The following PLA2G5 variants were observed in gnomAD, a reference collection of about 807,000 sequenced individuals.
PLA2G5 encodes Ca2+-dependent phospholipase A2.
In PLA2G5, 12 loss-of-function variants were observed where a neutral mutation model predicts 15.9. The ratio of observed to expected loss-of-function variants is 0.76; its 90% CI spans 0.48 to 1.23. The LOEUF (loss-of-function observed/expected upper bound fraction) is 1.23. PLA2G5 is among the 50% of genes most tolerant of loss of function. The probability of loss-of-function intolerance (pLI) is 0.00; values close to 1 mark genes in which losing one functional copy is unlikely to be tolerated. For synonymous variants in PLA2G5, 71 were observed against 71.4 expected, an observed-to-expected ratio of 0.99 and a Z score of 0.03; for missense variants, 169 against 177.1, an observed-to-expected ratio of 0.95 and a Z score of 0.26.
intron 3 of PLA2G5, among the ~76,000 whole-genome samples, chr1:20,087,398 T>C (rs2016343397): frequency 6.6e-6 from 1 of 151,466 alleles, no homozygotes; most frequent in Non-Finnish European, 1.5e-5. Flanking sequence ...TGTGATCATA[T>C]ACTTTTTTTT....
At chr1:20,049,946 C>T (rs1418985289) in intron 1 of PLA2G5, among the ~76,000 whole-genome samples, 5 of 152,100 alleles carry the variant, frequency 3.3e-5, no homozygotes, top group Non-Finnish European at 7.4e-5. Flanking sequence ...TTTGTTGTGG[C>T]CTAATGCTAA....
intron 3 of PLA2G5, among the ~76,000 whole-genome samples, chr1:20,088,356 G>A (rs1242048537): frequency 3.1e-4 from 46 of 147,236 alleles, no homozygotes; most frequent in African/African-American, 1.1e-3. Context: ...GTGAAACTCC[G>A]TTTCAAAAAA....
chr1:20,059,154 C>T (rs539360387), intron 1 of PLA2G5, among the ~76,000 whole-genome samples: 12 of 149,624 alleles, frequency 8.0e-5, no homozygotes, highest in East Asian at 7.9e-4. Context: ...CTCACATGAC[C>T]GAGTGTGGTG....
intron 1 of PLA2G5, among the ~76,000 whole-genome samples, chr1:20,036,085 T>C (rs1272398395): frequency 6.6e-6 from 1 of 152,228 alleles, no homozygotes; most frequent in East Asian, 1.9e-4. Context: ...TTCTAGCTTG[T>C]AGGGTTTCTG....
At chr1:20,045,168 A>C (rs2013828440) in intron 1 of PLA2G5, among the ~76,000 whole-genome samples, 1 of 152,178 alleles carries the variant, frequency 6.6e-6, no homozygotes, top group Admixed American at 6.5e-5. Context: ...TGTGAGTTGA[A>C]GAGGTTTTAA....
chr1:20,089,138 CGTA>C (rs1340522454), intron 3 of PLA2G5, among the ~76,000 whole-genome samples: 1 of 152,148 alleles, frequency 6.6e-6, no homozygotes, highest in African/African-American at 2.4e-5. Flanking sequence ...AATTATTTAT[CGTA>C]GCTGATGCAA....
At chr1:20,051,514 A>G (rs540778635) in intron 1 of PLA2G5, among the ~76,000 whole-genome samples, 2 of 152,222 alleles carry the variant, frequency 1.3e-5, no homozygotes, top group Non-Finnish European at 2.9e-5. Flanking sequence ...ACAATTTAGT[A>G]TACTCCTATG....
intron 1 of PLA2G5, among the ~76,000 whole-genome samples, chr1:20,084,135 G>A (rs2016169568): frequency 6.7e-6 from 1 of 149,398 alleles, no homozygotes; most frequent in African/African-American, 2.6e-5. Context: ...AAGCGCTTGG[G>A]GCCCATAAGA....
At chr1:20,031,335 A>G (rs916267472) in intron 1 of PLA2G5, among the ~76,000 whole-genome samples, 3 of 152,188 alleles carry the variant, frequency 2.0e-5, no homozygotes, top group Admixed American at 1.3e-4. Flanking sequence ...GAGGTAATGT[A>G]TGAAGTTGAC....
At chr1:20,067,649 C>T (rs1406116594), upstream of PLA2G5, among the ~76,000 whole-genome samples, 1 of 151,810 alleles carries the variant, frequency 6.6e-6, no homozygotes, top group African/African-American at 2.4e-5. Context: ...GATTGCACTG[C>T]TGCACTCCAG....
At chr1:20,047,750 GTGTGTGTA>G (rs774983558) in intron 1 of PLA2G5, among the ~76,000 whole-genome samples, 4 of 112,240 alleles carry the variant, frequency 3.6e-5, no homozygotes, top group East Asian at 2.4e-4. Context: ...GTGTGTGTGT[GTGTGTGTA>G]TGTGTATATA....
chr1:20,064,582 G>GAA (rs542726449), intron 2 of PLA2G5, among the ~76,000 whole-genome samples: 3 of 124,804 alleles, frequency 2.4e-5, no homozygotes, highest in Non-Finnish European at 5.2e-5. Context: ...CTCAAAAAAG[G>GAA]AAAAAAAAAA....
chr1:20,071,582 G>A (rs756971046), intron 1 of PLA2G5, among the ~76,000 whole-genome samples: 1 of 152,136 alleles, frequency 6.6e-6, no homozygotes, highest in Non-Finnish European at 1.5e-5. Flanking sequence ...CTCAGGGCAG[G>A]GGGTTGATCC....
intron 1 of PLA2G5, among the ~76,000 whole-genome samples, chr1:20,057,838 T>C (rs1227230973): frequency 6.6e-6 from 1 of 150,538 alleles, no homozygotes; most frequent in Non-Finnish European, 1.5e-5. Context: ...CATTTTAATT[T>C]AGTTCAAAAT....
chr1:20,037,270 C>G (rs368983725), intron 1 of PLA2G5, among the ~76,000 whole-genome samples: 18 of 152,262 alleles, frequency 1.2e-4, no homozygotes, highest in African/African-American at 4.1e-4. Context: ...GTGCTCTCCC[C>G]CTTCCTTTAG....
chr1:20,052,213 A>T (rs2014214958), intron 1 of PLA2G5, among the ~76,000 whole-genome samples: 1 of 151,618 alleles, frequency 6.6e-6, no homozygotes, highest in Non-Finnish European at 1.5e-5. Flanking sequence ...CTGGAGAATG[A>T]AAAATTATGT....
Position 20,070,466 on chromosome 1 carries a change from G to A in PLA2G5, c.-11+1G>A, listed in dbSNP as rs961503592. The A allele has an allele frequency of 1.2e-5, 12 of 985,334 alleles. No homozygotes were observed. The highest frequency in any genetic ancestry group is 1.4e-5 in the Non-Finnish European group (12 of 830,108). The allele number at this position is 985,334 out of a possible 1,614,324, so 61.0% of individuals were successfully genotyped here. On this transcript the variant is annotated splice_donor_variant, in intron 1 of 4. Coordinates refer to ENST00000375108, the MANE Select transcript of PLA2G5 (RefSeq NM_000929.3). LOFTEE classifies it low-confidence loss of function (5UTR_SPLICE). ...CAGGATTTGAGGCCAGGCCAAAGAGGTTAGTTACTGATGGGGGCTGCATAA... is the reference window on the plus strand; with the variant it reads ...CAGGATTTGAGGCCAGGCCAAAGAGATTAGTTACTGATGGGGGCTGCATAA...
At chr1:20,040,841 G>A (rs2013548891) in intron 1 of PLA2G5, among the ~76,000 whole-genome samples, 1 of 152,142 alleles carries the variant, frequency 6.6e-6, no homozygotes, top group Non-Finnish European at 1.5e-5. Context: ...CTTTGGAGAG[G>A]CTAATCAGAA....
intron 1 of PLA2G5, among the ~76,000 whole-genome samples, chr1:20,056,865 GTTATTAA>G (rs1444924599): frequency 6.6e-6 from 1 of 152,102 alleles, no homozygotes; most frequent in Non-Finnish European, 1.5e-5. Context: ...ATTTTAGAAG[GTTATTAA>G]TTATTGATTC....
Sources: allele counts gnomAD v4.1 joint callset (sites outside exome capture counted in the v4.1 genomes callset), GRCh38; gene constraint gnomAD v4.1.1; transcripts MANE v1.5; gene names NCBI Gene and HGNC (gene_info 2026-07-23, HGNC 2026-07-21).